Variants in OXR1 observed in about 807,000 individuals in gnomAD.
The protein encoded by OXR1 is oxidation resistance 1, also known as oxidation resistance protein 1.
Under a neutral mutation model 104.6 loss-of-function variants are expected in OXR1, and 41 were observed. The observed-to-expected ratio is 0.39, with a 90% CI of 0.31 to 0.51. The LOEUF is 0.51. Ranked by LOEUF, OXR1 falls within the 20% of genes least tolerant of loss-of-function variation. The pLI, the probability that OXR1 is intolerant of heterozygous loss-of-function variation, is 0.77. For missense variants in OXR1, 955 were observed against 1,031.9 expected, an observed-to-expected ratio of 0.93 and a Z score of 1.02; for synonymous variants, 348 against 348.4, an observed-to-expected ratio of 1.00 and a Z score of 0.01.
chr8:106,518,414 A>G (rs1436459103), intron 2 of OXR1, among the ~76,000 whole-genome samples: 1 of 152,220 alleles, frequency 6.6e-6, no homozygotes, highest in Admixed American at 6.5e-5. Flanking sequence ...TATGTCAGCT[A>G]TCTAAAATGT....
rs760586673 is a variant in OXR1 at position 106,710,671 on chromosome 8, G to T, written c.1674G>T (p.Leu558Phe). 2 of 1,601,150 alleles carry T rather than the reference G, an allele frequency of 1.2e-6. No individual in the cohort carries two copies. The highest frequency in any genetic ancestry group is 1.7e-6 in the Non-Finnish European group (2 of 1,173,438). ...EKQRHRLHKF[L>F]CLRVGKPMRK... ...AAAGGCATCGATTACATAAGTTCTT[G>T]TGTCTCAGAGTTGGAAAACCAATGA... Residue 558 changes from leucine (L) to phenylalanine (F), a missense_variant, in exon 10 of 17, where the codon TTG (leucine) becomes TTT (phenylalanine). By Grantham distance (22) the Leu-to-Phe change is conservative. Around this residue, in one of 2 missense-constraint regions of OXR1, gnomAD observed 849 missense variants for 852.9 expected, o/e 1.00. Transcript: ENST00000517566.
intron 2 of OXR1, among the ~76,000 whole-genome samples, chr8:106,509,718 T>G (rs1300226479): frequency 6.6e-6 from 1 of 152,202 alleles, no homozygotes; most frequent in African/African-American, 2.4e-5. Context: ...TTTGGATTTA[T>G]CTTAGTATTA....
intron 3 of OXR1, among the ~76,000 whole-genome samples, chr8:106,609,189 G>T (rs1421834094): frequency 2.0e-5 from 3 of 151,956 alleles, no homozygotes; most frequent in Admixed American, 6.6e-5. Flanking sequence ...GGAGAGGATC[G>T]CTTGAGCCCA....
chr8:106,464,116 C>A (rs551041608), intron 2 of OXR1, among the ~76,000 whole-genome samples: 1 of 151,932 alleles, frequency 6.6e-6, no homozygotes, highest in Non-Finnish European at 1.5e-5. Flanking sequence ...TGATTATATT[C>A]TCATAGTTTT....
At chr8:106,471,165 C>T (rs899390838) in intron 2 of OXR1, among the ~76,000 whole-genome samples, 15 of 151,308 alleles carry the variant, frequency 9.9e-5, no homozygotes, top group Admixed American at 9.3e-4. Flanking sequence ...CTGATATTAA[C>T]AGTTTAGTAG....
chr8:106,657,744 GCC>G, intron 3 of OXR1: 1 of 841,910 alleles, frequency 1.2e-6, no homozygotes, highest in Non-Finnish European at 1.6e-6. Flanking sequence ...GCATTTAGAA[GCC>G]ACAAGAAAAA....
intron 3 of OXR1, among the ~76,000 whole-genome samples, chr8:106,644,034 A>G (rs1374606947): frequency 1.3e-5 from 2 of 152,160 alleles, no homozygotes; most frequent in Non-Finnish European, 2.9e-5. Context: ...CATGTGTTTT[A>G]CAAGTTCAAA....
At chr8:106,595,334 G>A (rs867179810) in intron 3 of OXR1, among the ~76,000 whole-genome samples, 5 of 152,168 alleles carry the variant, frequency 3.3e-5, no homozygotes, top group South Asian at 2.1e-4. Flanking sequence ...GGAGGATCAC[G>A]AGGTCAGGAG....
At chr8:106,279,244 T>G (rs1400822421) in intron 1 of OXR1, among the ~76,000 whole-genome samples, 1 of 152,166 alleles carries the variant, frequency 6.6e-6, no homozygotes, top group Non-Finnish European at 1.5e-5. Context: ...TTTTTAATTA[T>G]CTGAAATATG....
At chr8:106,314,875 A>C (rs563373537) in intron 1 of OXR1, among the ~76,000 whole-genome samples, 2 of 152,242 alleles carry the variant, frequency 1.3e-5, no homozygotes, top group Non-Finnish European at 2.9e-5. Context: ...ATATTAGAGC[A>C]TAACGGTATA....
intron 3 of OXR1, among the ~76,000 whole-genome samples, chr8:106,635,743 C>T (rs1420684030): frequency 1.3e-5 from 2 of 152,072 alleles, no homozygotes; most frequent in East Asian, 1.9e-4. Flanking sequence ...CCATTGCACC[C>T]GGCCTCGAAT....
chr8:106,468,704 G>T (rs1405930209), intron 2 of OXR1, among the ~76,000 whole-genome samples: 2 of 151,724 alleles, frequency 1.3e-5, no homozygotes, highest in African/African-American at 2.4e-5. Context: ...GTTAATATGG[G>T]CTACACTGGC....
chr8:106,681,494 A>G (rs1228881674), intron 4 of OXR1, among the ~76,000 whole-genome samples: 2 of 152,068 alleles, frequency 1.3e-5, no homozygotes, highest in East Asian at 1.9e-4. Context: ...ATCTTCTATA[A>G]CCTAATTCTA....
intron 1 of OXR1, among the ~76,000 whole-genome samples, chr8:106,312,825 A>G (rs1348006315): frequency 6.6e-6 from 1 of 152,224 alleles, no homozygotes; most frequent in Non-Finnish European, 1.5e-5. Flanking sequence ...AAATTGGCCC[A>G]ACATAAAATT....
intron 1 of OXR1, among the ~76,000 whole-genome samples, chr8:106,340,062 T>A (rs934566985): frequency 1.3e-5 from 2 of 152,136 alleles, no homozygotes; most frequent in African/African-American, 4.8e-5. Context: ...TTTATAAGCT[T>A]CCAGCCTAAA....
intron 9 of OXR1, among the ~76,000 whole-genome samples, chr8:106,709,174 C>T (rs1455972312): frequency 6.6e-6 from 1 of 151,956 alleles, no homozygotes; most frequent in East Asian, 1.9e-4. Flanking sequence ...TCATTGTTAA[C>T]ATTCAATATA....
intron 3 of OXR1, among the ~76,000 whole-genome samples, chr8:106,668,595 A>G (rs1206432545): frequency 6.6e-6 from 1 of 152,208 alleles, no homozygotes; most frequent in Admixed American, 6.5e-5. Flanking sequence ...TCCACCTGGA[A>G]GACATATATG....
Position 106,702,918 on chromosome 8 carries a change from G to A in OXR1, c.688G>A (p.Gly230Ser). The change falls in exon 8 of 17, where the codon GGT (glycine) becomes AGT (serine). Residue 230 changes from glycine to serine, a missense_variant. Transcript: ENST00000517566. Reference sequence around the variant, plus strand: ...TTTTTCACCTTAGGGCACAGTCAGTGGTGTGCTGCTAGTTACACCAAATAA... The same window carrying A: ...TTTTTCACCTTAGGGCACAGTCAGTAGTGTGCTGCTAGTTACACCAAATAA... ...YITSGKGTVS[G>S]VLLVTPNNIM... is the part of the protein sequence containing the mutation. 6.2e-7 allele frequency: 1 copy of A among 1,612,874 alleles called. No homozygotes were observed.
intron 2 of OXR1, among the ~76,000 whole-genome samples, chr8:106,375,319 G>T (rs7819217): frequency 6.6e-6 from 1 of 151,978 alleles, no homozygotes; most frequent in African/African-American, 2.4e-5. Flanking sequence ...GGTTTTTGTC[G>T]TACTTTTAAT....
Sources: gnomAD v4.1 joint callset for allele counts (sites outside exome capture counted in the v4.1 genomes callset) on GRCh38, gnomAD v4.1.1 for gene constraint, gnomAD v4.1.1 regional missense constraint, MANE v1.5 for transcripts, NCBI Gene and HGNC (gene_info 2026-07-23, HGNC 2026-07-21) for gene names.